ZNF84: variants seen among roughly 807,000 people sequenced by gnomAD.
ZNF84 encodes the protein zinc finger protein 84.
Under a neutral mutation model 14.8 loss-of-function variants are expected in ZNF84, and 12 were observed. The observed-to-expected ratio is 0.81, with a 90% confidence interval of 0.52 to 1.31. ZNF84 has a LOEUF of 1.31. ZNF84 is among the 50% of genes most tolerant of loss of function. The pLI, the probability that ZNF84 is intolerant of heterozygous loss-of-function variation, is 0.00. For missense variants in ZNF84, 859 were observed against 878.6 expected, an observed-to-expected ratio of 0.98 and a Z score of 0.28; for synonymous variants, 347 against 291.1, an observed-to-expected ratio of 1.19 and a Z score of -1.96.
At chr12:133,039,545 A>G (rs1200591108) in intron 1 of ZNF84, among the ~76,000 whole-genome samples, 2 of 152,218 alleles carry the variant, frequency 1.3e-5, no homozygotes, top group East Asian at 1.9e-4. Context: ...TCTCTGTAAA[A>G]TGGAGATTAT....
intron 2 of ZNF84, among the ~76,000 whole-genome samples, chr12:133,046,945 TTATA>T (rs1292669847): frequency 1.4e-5 from 2 of 140,154 alleles, no homozygotes; most frequent in Non-Finnish European, 3.1e-5. Flanking sequence ...AATATTTATA[TTATA>T]TATTATATTA....
At position 133,037,545 on chromosome 12, in the gene ZNF84, T is replaced by G. The variant is rs1044998480; in HGVS notation, c.-191T>G. On this transcript the variant is annotated splice_region_variant and 5_prime_UTR_variant, in exon 1 of 5. Transcript: ENST00000539354. The stretch of plus-strand genomic sequence containing the variant: ...GGCGCGACTCGGCGGCGGCGTCTTT[T>G]GTGAGTTCAGTGAGTTTATTGCGGG... The G allele has an allele frequency of 6.6e-6, 1 of 152,356 alleles. No individual in the cohort carries two copies. Among genetic ancestry groups the G allele is most frequent in the Non-Finnish European group, 1.5e-5 (1 of 68,290 alleles). 9.4% of individuals were successfully genotyped at this position (152,356 alleles called of 1,614,324 possible).
At chr12:133,051,692 T>C (rs1954071823) in intron 4 of ZNF84, among the ~76,000 whole-genome samples, 1 of 152,204 alleles carries the variant, frequency 6.6e-6, no homozygotes, top group African/African-American at 2.4e-5. Flanking sequence ...CCAAGGTCTT[T>C]ACTGGGAGCT....
In ZNF84 at chr12:133,061,534, A is replaced by G. The variant is rs1954264390; in HGVS notation, c.*2602A>G. 3 of 152,194 alleles carry G rather than the reference A, an allele frequency of 2.0e-5. No homozygotes were observed. Among genetic ancestry groups the G allele is most frequent in the Non-Finnish European group, 4.4e-5 (3 of 68,046 alleles). 9.4% of individuals were successfully genotyped at this position (152,194 alleles called of 1,614,324 possible). A position where few individuals can be genotyped will look rare whatever the true frequency, so the allele number is the denominator to read the frequency against. ...TCATTTTACTAGACGTGGGAGACCA[A>G]CTAATGCAAATGAACAGTTACAGGG... On this transcript the variant is annotated 3_prime_UTR_variant, in exon 5 of 5. Transcript: ENST00000539354.
At chr12:133,051,262 G>GT (rs749339305) in intron 4 of ZNF84, among the ~76,000 whole-genome samples, 31 of 152,220 alleles carry the variant, frequency 2.0e-4, no homozygotes, top group African/African-American at 7.5e-4. Flanking sequence ...AAAATAAGTT[G>GT]TAGAAGCATA....
chr12:133,062,890 C>A lies in ZNF84; in HGVS notation c.*3958C>A. The A allele has an allele frequency of 1.9e-6, 1 of 525,504 alleles. No individual in the cohort carries two copies. The highest frequency in any genetic ancestry group is 3.4e-6 in the Non-Finnish European group (1 of 295,076). 32.6% of individuals were successfully genotyped at this position (525,504 alleles called of 1,614,324 possible). On this transcript the variant is annotated 3_prime_UTR_variant, in exon 5 of 5. Coordinates refer to ENST00000539354, the MANE Select transcript of ZNF84 (RefSeq NM_001289971.2). ...TATCACTTATGTTTTTGCAAATCTG[C>A]AATTGAAATGCCCTTGTTCCTTGTT...
chr12:133,046,531 C>T (rs1158140207), intron 2 of ZNF84, among the ~76,000 whole-genome samples: 2 of 151,972 alleles, frequency 1.3e-5, no homozygotes, highest in Middle Eastern at 3.2e-3. Context: ...TGCTTTTTAT[C>T]CACACTGTGC....
rs2137440716 is a variant in ZNF84 at position 133,061,516 on chromosome 12, A to C, written c.*2584A>C. ...CTTTTTAATATCTCAAATTCATTTT[A>C]CTAGACGTGGGAGACCAACTAATGC... is the stretch of plus-strand genomic sequence containing the variant. On this transcript the variant is annotated 3_prime_UTR_variant, in exon 5 of 5. Coordinates refer to ENST00000539354, the MANE Select transcript of ZNF84 (RefSeq NM_001289971.2). 1 of 152,338 alleles carries C rather than the reference A, an allele frequency of 6.6e-6. No individual in the cohort carries two copies. The highest frequency in any genetic ancestry group is 1.9e-4 in the East Asian group (1 of 5,186). The allele number at this position is 152,338 out of a possible 1,614,324, so 9.4% of individuals were successfully genotyped here.
At chr12:133,051,270 A>AT (rs1954064277) in intron 4 of ZNF84, among the ~76,000 whole-genome samples, 1 of 152,178 alleles carries the variant, frequency 6.6e-6, no homozygotes, top group Admixed American at 6.5e-5. Context: ...TTGTAGAAGC[A>AT]TAACACTTAG....
At position 133,052,751 on chromosome 12, in the gene ZNF84, A is replaced by G. The variant is rs1360191361; in HGVS notation, c.238+3903A>G. Among the ~76,000 whole-genome samples the G allele has an allele frequency of 2.0e-5, 3 of 152,262 alleles. No homozygotes were observed. The East Asian group carries it at 5.8e-4, about 29-fold the overall frequency. On this transcript the variant is annotated intron_variant, in intron 4 of 4. Transcript: ENST00000539354. ...TCCAAATACAGCCATTCTGAGAGTT[A>G]AGCTTCAATATACAAGTTTTGAGGA... is the stretch of plus-strand genomic sequence containing the variant.
intron 2 of ZNF84, among the ~76,000 whole-genome samples, chr12:133,046,357 T>G (rs1195552819): frequency 8.1e-3 from 120 of 14,764 alleles, no homozygotes; most frequent in South Asian, 0.015. Context: ...GTTTTTTTTT[T>G]TTTTTTTTTT....
At position 133,058,413 on chromosome 12, in the gene ZNF84, T is replaced by C; in HGVS notation, c.1698T>C (p.Thr566=). 6.2e-7 allele frequency: 1 copy of C among 1,612,240 alleles called. No homozygotes were observed. Among genetic ancestry groups the C allele is most frequent in the South Asian group, 1.1e-5 (1 of 90,952 alleles). The part of the protein sequence containing the change: ...SSLATHQRTH[T]GEKPYECRDC... The stretch of plus-strand genomic sequence containing the variant: ...TTGCAACTCATCAGAGAACTCATAC[T>C]GGAGAAAAACCGTATGAATGCAGGG... Residue 566 remains threonine (T), a synonymous_variant, in exon 5 of 5, where the codon ACT becomes ACC. Transcript: ENST00000539354.
intron 2 of ZNF84, 32 bp downstream of exon 2, chr12:133,041,514 C>T (rs1393100429): frequency 6.2e-7 from 1 of 1,610,326 alleles, no homozygotes; most frequent in East Asian, 2.2e-5. Context: ...TATTTTTTCC[C>T]AGGGAATTAG....
Position 133,050,499 on chromosome 12 carries a change from A to G in ZNF84, c.238+1651A>G, listed in dbSNP as rs1425890720. 7.5e-6 allele frequency: 3 copies of G among 398,522 alleles called. No individual in the cohort carries two copies. The East Asian group carries it at 1.1e-4, about 14-fold the overall frequency. 24.7% of individuals were successfully genotyped at this position (398,522 alleles called of 1,614,324 possible). ...TGGCGATGCAGTGGCAGCATCTGCT[A>G]TAGACTTGTAATCTCTGCTTTCAGG... On this transcript the variant is annotated intron_variant, in intron 4 of 4. Transcript: ENST00000539354.
rs1411613584 is a variant in ZNF84, at chr12:133,059,610, C to T, written c.*678C>T. 1 of 152,172 alleles carries T rather than the reference C, an allele frequency of 6.6e-6. No individual in the cohort carries two copies. The highest frequency in any genetic ancestry group is 6.5e-5 in the Admixed American group (1 of 15,280). The allele number at this position is 152,172 out of a possible 1,614,324, so 9.4% of individuals were successfully genotyped here. Reference sequence around the variant, plus strand: ...GGTTATTGAAACATCTAAGACATTTCTTAGTGGTATTTGTGGCTTATCTTC... The same window carrying T: ...GGTTATTGAAACATCTAAGACATTTTTTAGTGGTATTTGTGGCTTATCTTC... On this transcript the variant is annotated 3_prime_UTR_variant, in exon 5 of 5. Transcript: ENST00000539354.
rs1954233049 is a variant in ZNF84, at chr12:133,060,094, T to C, written c.*1162T>C. On this transcript the variant is annotated 3_prime_UTR_variant, in exon 5 of 5. Coordinates refer to ENST00000539354, the MANE Select transcript of ZNF84 (RefSeq NM_001289971.2). ...AGTAGTGCTGTATTAAATCTTTTTC[T>C]CATTTAGTGAGGTGCCTCCATATAG... 1 of 152,218 alleles carries C rather than the reference T, an allele frequency of 6.6e-6. No homozygotes were observed. Among genetic ancestry groups the C allele is most frequent in the Non-Finnish European group, 1.5e-5 (1 of 68,030 alleles). 9.4% of individuals were successfully genotyped at this position (152,218 alleles called of 1,614,324 possible). A position where few individuals can be genotyped will look rare whatever the true frequency, so the allele number is the denominator to read the frequency against.
chr12:133,040,569 CAAAAAAAAAAAA>C, intron 1 of ZNF84: 1 of 91,076 alleles, frequency 1.1e-5, no homozygotes, highest in East Asian at 3.8e-4. Flanking sequence ...AAGACCGTAC[CAAAAAAAAAAAA>C]AAAAAAAAAG....
At position 133,059,610 on chromosome 12, in the gene ZNF84, C is replaced by G. The variant is rs1411613584; in HGVS notation, c.*678C>G. On this transcript the variant is annotated 3_prime_UTR_variant, in exon 5 of 5. Transcript: ENST00000539354. ...GGTTATTGAAACATCTAAGACATTT[C>G]TTAGTGGTATTTGTGGCTTATCTTC... 1 of 152,172 alleles carries G rather than the reference C, an allele frequency of 6.6e-6. No homozygotes were observed. Among genetic ancestry groups the G allele is most frequent in the Non-Finnish European group, 1.5e-5 (1 of 68,038 alleles). 9.4% of individuals were successfully genotyped at this position (152,172 alleles called of 1,614,324 possible). A position where few individuals can be genotyped will look rare whatever the true frequency, so the allele number is the denominator to read the frequency against.
chr12:133,055,935 A>G (rs1157564061), intron 4 of ZNF84, among the ~76,000 whole-genome samples: 6 of 152,142 alleles, frequency 3.9e-5, no homozygotes, highest in African/African-American at 1.4e-4. Flanking sequence ...CCATCTTTAC[A>G]AAATATTAAA....
Sources: allele counts gnomAD v4.1 joint callset (sites outside exome capture counted in the v4.1 genomes callset), GRCh38; gene constraint gnomAD v4.1.1; transcripts MANE v1.5; gene names NCBI Gene and HGNC (gene_info 2026-07-23, HGNC 2026-07-21).